COL28A1: variants seen among roughly 807,000 people sequenced by gnomAD.
The protein encoded by COL28A1 is collagen type XXVIII alpha 1 chain.
In COL28A1, 161 loss-of-function variants were observed where a neutral mutation model predicts 150.2. That is an observed-to-expected ratio of 1.07 (90% confidence interval 0.94 to 1.22). COL28A1 has a LOEUF of 1.22. Ranked by LOEUF, COL28A1 falls within the 50% of genes most tolerant of loss-of-function variation. The pLI is 0.00. For missense variants in COL28A1, 1,617 were observed against 1,388.3 expected, an observed-to-expected ratio of 1.16 and a Z score of -2.62; for synonymous variants, 552 against 469.7, an observed-to-expected ratio of 1.18 and a Z score of -2.26.
Position 7,360,528 on chromosome 7 carries a change from A to C in COL28A1, c.3067T>G (p.Leu1023Val). Residue 1023 changes from leucine to valine, a missense_variant and splice_region_variant, in exon 34 of 35, where the codon TTG becomes GTG. Physicochemically the swap from Leu to Val is conservative, Grantham distance 32. Coordinates refer to ENST00000399429, the MANE Select transcript of COL28A1 (RefSeq NM_001037763.3). ...TCATCCTGGTCTCTGGTGACACTCA[A>C]CTACACAAAAATATTCACATTTTGT... ...PEPQKEISES[L>V]SVTRDQDEDD... The C allele has an allele frequency of 6.3e-7, 1 of 1,594,714 alleles. No homozygotes were observed. Among genetic ancestry groups the C allele is most frequent in the Non-Finnish European group, 8.5e-7 (1 of 1,174,794 alleles).
upstream of COL28A1, among the ~76,000 whole-genome samples, chr7:7,538,326 C>T (rs140013643): frequency 7.6e-4 from 116 of 152,210 alleles, 2 homozygotes; most frequent in East Asian, 9.3e-3. Flanking sequence ...CAACGTGGAG[C>T]CCATGCCCTT....
At chr7:7,459,197 GAA>G (rs921920795) in intron 15 of COL28A1, among the ~76,000 whole-genome samples, 3 of 152,304 alleles carry the variant, frequency 2.0e-5, no homozygotes, top group African/African-American at 7.2e-5. Flanking sequence ...AACACCACCT[GAA>G]AAAGTTAATT....
downstream of COL28A1, among the ~76,000 whole-genome samples, chr7:7,353,488 CCTT>C (rs56667025): frequency 0.032 from 4,858 of 152,220 alleles, 254 homozygotes; most frequent in African/African-American, 0.11. Flanking sequence ...AAATACTAAA[CCTT>C]CTGAAAGCCT....
At chr7:7,477,634 T>C in intron 13 of COL28A1, among the ~76,000 whole-genome samples, 1 of 152,214 alleles carries the variant, frequency 6.6e-6, no homozygotes, top group East Asian at 1.9e-4. Context: ...GGTGGGTTAG[T>C]GGTCTCGCTG....
chr7:7,417,568 AGC>A, intron 27 of COL28A1: 1 of 251,156 alleles, frequency 4.0e-6, no homozygotes, highest in South Asian at 4.4e-5. Flanking sequence ...AGAGAGAGAG[AGC>A]AACTGAGTAT....
intron 27 of COL28A1, among the ~76,000 whole-genome samples, chr7:7,392,102 G>C (rs1175636579): frequency 6.6e-6 from 1 of 152,148 alleles, no homozygotes; most frequent in Non-Finnish European, 1.5e-5. Context: ...TATGTTTCTG[G>C]CATTGGCTGG....
the COL28A1 span, among the ~76,000 whole-genome samples, chr7:7,344,404 A>G: frequency 2.0e-5 from 3 of 151,174 alleles, no homozygotes; most frequent in African/African-American, 7.3e-5. Flanking sequence ...ATTTCTTTGT[A>G]TTATTTTTTA....
At chr7:7,408,771 T>TA (rs530995127) in intron 27 of COL28A1, among the ~76,000 whole-genome samples, 15 of 152,038 alleles carry the variant, frequency 9.9e-5, no homozygotes, top group East Asian at 7.7e-4. Flanking sequence ...TTCTATCTTA[T>TA]AAAAAAAATA....
chr7:7,346,673 T>A, the COL28A1 span, among the ~76,000 whole-genome samples: 1 of 152,042 alleles, frequency 6.6e-6, no homozygotes, highest in Non-Finnish European at 1.5e-5. Flanking sequence ...ATCTGAGAGA[T>A]CTTTTTCAAA....
intron 25 of COL28A1, chr7:7,420,174 A>T (rs1397188012): frequency 3.0e-6 from 1 of 335,730 alleles, no homozygotes; most frequent in Non-Finnish European, 5.3e-6. Context: ...TGGCAACATT[A>T]ACTTTTTTCA....
chr7:7,369,350 T>C (rs908154462), intron 33 of COL28A1, among the ~76,000 whole-genome samples: 7 of 152,242 alleles, frequency 4.6e-5, no homozygotes, highest in African/African-American at 1.7e-4. Flanking sequence ...TGAGTAAGTT[T>C]CATCAGAACT....
In COL28A1 at chr7:7,417,941, G is replaced by T; in HGVS notation, c.2068-14C>A. On this transcript the variant is annotated splice_polypyrimidine_tract_variant and intron_variant, in intron 26 of 34. Transcript: ENST00000399429. ...CCCAGTATCACCCTGTTAGAAGATG[G>T]GGAGAATTTGAAGACAAAATGTAAG... is the stretch of plus-strand genomic sequence containing the variant. The T allele has an allele frequency of 6.3e-7, 1 of 1,598,110 alleles. No individual in the cohort carries two copies.
rs1485270023 is a variant in COL28A1 at position 7,360,419 on chromosome 7, A to T, written c.3176T>A (p.Leu1059Gln). ...SSEATTTPRP[L>Q]LSTPVDGAED... ...TGCCCCATCCACAGGGGTGCTGAGC[A>T]GTGGCCTGGGGGTGGTGGTGGCCTC... is the stretch of plus-strand genomic sequence containing the variant. Residue 1059 changes from leucine (L) to glutamine (Q), a missense_variant, in exon 34 of 35, where the codon CTG (leucine) becomes CAG (glutamine). Physicochemically the swap from Leu to Gln is moderately radical, Grantham distance 113 (BLOSUM62 -2). Coordinates refer to ENST00000399429, the MANE Select transcript of COL28A1 (RefSeq NM_001037763.3). 6.2e-7 allele frequency: 1 copy of T among 1,604,808 alleles called. No homozygotes were observed.
intron 34 of COL28A1, 65 bp downstream of exon 34, chr7:7,360,325 T>G (rs1213273780): frequency 7.0e-7 from 1 of 1,433,860 alleles, no homozygotes; most frequent in Non-Finnish European, 9.2e-7. Context: ...CTCTTTCCTT[T>G]GTGCACCAAA....
chr7:7,499,901 C>T (rs1197652607), intron 11 of COL28A1, among the ~76,000 whole-genome samples: 2 of 152,160 alleles, frequency 1.3e-5, no homozygotes, highest in Non-Finnish European at 2.9e-5. Flanking sequence ...GATTTCTATT[C>T]TAACGAAAAT....
chr7:7,421,471 A>G (rs1354313518), intron 25 of COL28A1, among the ~76,000 whole-genome samples: 3 of 152,170 alleles, frequency 2.0e-5, no homozygotes, highest in African/African-American at 2.4e-5. Flanking sequence ...ATATGCCTGA[A>G]TAAAGTAATA....
Position 7,417,938 on chromosome 7 carries a change from A to G in COL28A1, c.2068-11T>C, listed in dbSNP as rs745817412. The G allele has an allele frequency of 9.8e-5, 157 of 1,600,456 alleles. 2 individuals carry two copies. In the South Asian group the frequency reaches 1.7e-3, roughly 17 times the overall value. Reference sequence around the variant, plus strand: ...CTGCCCAGTATCACCCTGTTAGAAGATGGGGAGAATTTGAAGACAAAATGT... The same window carrying G: ...CTGCCCAGTATCACCCTGTTAGAAGGTGGGGAGAATTTGAAGACAAAATGT... On this transcript the variant is annotated splice_polypyrimidine_tract_variant and intron_variant, in intron 26 of 34. Transcript: ENST00000399429.
At chr7:7,519,722 C>T (rs1781607447) in intron 6 of COL28A1, among the ~76,000 whole-genome samples, 1 of 152,076 alleles carries the variant, frequency 6.6e-6, no homozygotes, top group African/African-American at 2.4e-5. Flanking sequence ...AACACAAGTG[C>T]CAGTGTCAAT....
chr7:7,369,830 C>A (rs182586373), intron 33 of COL28A1, among the ~76,000 whole-genome samples: 13 of 152,272 alleles, frequency 8.5e-5, no homozygotes, highest in Admixed American at 3.3e-4. Flanking sequence ...CATGATCACT[C>A]TTTCATGTAC....
Sources: gnomAD v4.1 joint callset for allele counts (sites outside exome capture counted in the v4.1 genomes callset) on GRCh38, gnomAD v4.1.1 for gene constraint, MANE v1.5 for transcripts, NCBI Gene and HGNC (gene_info 2026-07-23, HGNC 2026-07-21) for gene names.